TACR1: variants seen among roughly 807,000 people sequenced by gnomAD.
The protein encoded by TACR1 is tachykinin receptor 1, also known as substance-P receptor.
TACR1 carries 25 observed loss-of-function variants against 35.8 expected under a neutral mutation model. The observed-to-expected ratio is 0.70, with a 90% CI of 0.51 to 0.98. The LOEUF is 0.98. Among genes scored for constraint, TACR1 ranks in the 50% least tolerant of loss-of-function variants. The pLI, the probability that TACR1 is intolerant of heterozygous loss-of-function variation, is 0.00. For missense variants in TACR1, 478 were observed against 522.9 expected (o/e 0.91, Z 0.84); for synonymous variants, 195 against 206.7 (o/e 0.94, Z 0.48).
chr2:75,104,446 CT>C (rs1217984336), intron 2 of TACR1, among the ~76,000 whole-genome samples: 1 of 151,916 alleles, frequency 6.6e-6, no homozygotes, highest in Non-Finnish European at 1.5e-5. Context: ...TAGTAGGGGA[CT>C]TTAATAAGCC....
intron 1 of TACR1, among the ~76,000 whole-genome samples, chr2:75,124,436 A>G (rs1231911072): frequency 6.6e-6 from 1 of 152,136 alleles, no homozygotes; most frequent in Non-Finnish European, 1.5e-5. Context: ...TTCTCATCCA[A>G]TTCCAGTTTC....
intron 1 of TACR1, among the ~76,000 whole-genome samples, chr2:75,160,204 T>A (rs1203515624): frequency 6.7e-6 from 1 of 150,178 alleles, no homozygotes. Flanking sequence ...TACAGGAAAA[T>A]CTCTCCTGAG....
In TACR1 at chr2:75,047,026, A is replaced by G. The variant is rs748741612; in HGVS notation, c.*2406T>C. On this transcript the variant is annotated 3_prime_UTR_variant, in exon 5 of 5. Transcript: ENST00000305249. ...ACATGTGGGAGTTGATGACATTTTT[A>G]TAAGTTAGTGGACATTGGAGACTGG... The G allele has an allele frequency of 8.5e-5, 13 of 152,244 alleles. No individual in the cohort carries two copies. Among genetic ancestry groups the G allele is most frequent in the Non-Finnish European group, 1.5e-4 (10 of 68,070 alleles). The allele number at this position is 152,244 out of a possible 1,614,324, so 9.4% of individuals were successfully genotyped here.
At chr2:75,126,103 G>A (rs1211249712) in intron 1 of TACR1, among the ~76,000 whole-genome samples, 1 of 152,038 alleles carries the variant, frequency 6.6e-6, no homozygotes, top group Non-Finnish European at 1.5e-5. Context: ...AGACCCCAGT[G>A]TCTGTTTCCT....
chr2:75,081,647 C>A (rs1444925705), intron 2 of TACR1, among the ~76,000 whole-genome samples: 9 of 152,166 alleles, frequency 5.9e-5, no homozygotes, highest in Admixed American at 5.9e-4. Context: ...CTATGGGCTG[C>A]ATTGTCCTGC....
At chr2:75,092,448 AT>A (rs1673330660) in intron 2 of TACR1, among the ~76,000 whole-genome samples, 2 of 152,120 alleles carry the variant, frequency 1.3e-5, no homozygotes, top group African/African-American at 4.8e-5. Context: ...TTCCTTGTAC[AT>A]TATCATCATC....
At chr2:75,070,393 C>A (rs964035575) in intron 2 of TACR1, among the ~76,000 whole-genome samples, 3 of 152,102 alleles carry the variant, frequency 2.0e-5, no homozygotes, top group Non-Finnish European at 2.9e-5. Context: ...ATAAAAACCA[C>A]CATCTAGATG....
chr2:75,144,942 A>T (rs147939320), intron 1 of TACR1, among the ~76,000 whole-genome samples: 1 of 152,266 alleles, frequency 6.6e-6, no homozygotes, highest in South Asian at 2.1e-4. Context: ...AATATAAGAG[A>T]TATGAGGGGT....
chr2:75,083,268 C>G (rs1382672162), intron 2 of TACR1, among the ~76,000 whole-genome samples: 1 of 152,168 alleles, frequency 6.6e-6, no homozygotes, highest in Non-Finnish European at 1.5e-5. Flanking sequence ...GGGCTGTGTT[C>G]TGTTCCATTG....
intron 2 of TACR1, among the ~76,000 whole-genome samples, chr2:75,066,748 C>T (rs1165925413): frequency 6.6e-6 from 1 of 152,230 alleles, no homozygotes; most frequent in Non-Finnish European, 1.5e-5. Context: ...CCATGAGGCA[C>T]ATAGACTGCC....
At chr2:75,094,859 ATT>A (rs58283121) in intron 2 of TACR1, among the ~76,000 whole-genome samples, 37,451 of 112,648 alleles carry the variant, frequency 0.33, 6,384 homozygotes, top group South Asian at 0.4. Flanking sequence ...ATATATATAT[ATT>A]TTTTTTTTTT....
intron 1 of TACR1, among the ~76,000 whole-genome samples, chr2:75,158,847 A>G (rs1017256949): frequency 2.1e-4 from 32 of 152,192 alleles, no homozygotes; most frequent in African/African-American, 7.2e-4. Flanking sequence ...AAACGGTCCC[A>G]TGTCCCAGGC....
intron 1 of TACR1, among the ~76,000 whole-genome samples, chr2:75,185,696 TCC>T (rs1675676366): frequency 6.6e-6 from 1 of 152,196 alleles, no homozygotes; most frequent in Non-Finnish European, 1.5e-5. Context: ...AAAGGAACAC[TCC>T]AATATGTTGG....
chr2:75,046,552 A>G lies in TACR1; in HGVS notation c.*2880T>C, dbSNP rs1485789630. On this transcript the variant is annotated 3_prime_UTR_variant, in exon 5 of 5. Transcript: ENST00000305249. ...GAAACCTCAGGAATGGCCCCTCTCC[A>G]CTTATACTCCTCTCCTCACAAATCA... The G allele has an allele frequency of 1.3e-5, 2 of 152,140 alleles. No individual in the cohort carries two copies. The highest frequency in any genetic ancestry group is 4.8e-5 in the African/African-American group (2 of 41,432). 9.4% of individuals were successfully genotyped at this position (152,140 alleles called of 1,614,324 possible).
intron 1 of TACR1, among the ~76,000 whole-genome samples, chr2:75,132,154 G>T (rs1433553142): frequency 6.6e-6 from 1 of 152,056 alleles, no homozygotes; most frequent in Non-Finnish European, 1.5e-5. Flanking sequence ...TTAGTAAATT[G>T]TTAATATTCT....
chr2:75,186,302 G>A (rs1675695611), intron 1 of TACR1, among the ~76,000 whole-genome samples: 2 of 149,702 alleles, frequency 1.3e-5, no homozygotes, highest in South Asian at 2.1e-4. Context: ...AACCTGGGAG[G>A]CGGAAGTTGC....
intron 2 of TACR1, among the ~76,000 whole-genome samples, chr2:75,111,292 C>G (rs995202155): frequency 6.6e-6 from 1 of 151,988 alleles, no homozygotes; most frequent in South Asian, 2.1e-4. Flanking sequence ...TACTCCATCC[C>G]AATTTATTTG....
intron 2 of TACR1, among the ~76,000 whole-genome samples, chr2:75,058,177 A>G (rs1462208964): frequency 1.3e-5 from 2 of 152,362 alleles, no homozygotes; most frequent in African/African-American, 4.8e-5. Context: ...TTATAAGTGA[A>G]TGTAGGTCAA....
intron 1 of TACR1, chr2:75,189,895 G>A (rs1197304455): frequency 6.6e-6 from 1 of 152,116 alleles, no homozygotes; most frequent in East Asian, 1.9e-4. Context: ...AAGATTATTT[G>A]ATTTGTTAAG....
Sources: allele counts gnomAD v4.1 joint callset (sites outside exome capture counted in the v4.1 genomes callset), GRCh38; gene constraint gnomAD v4.1.1; transcripts MANE v1.5; gene names NCBI Gene and HGNC (gene_info 2026-07-23, HGNC 2026-07-21).